FBXL13: variants seen among roughly 807,000 people sequenced by gnomAD.
The protein encoded by FBXL13 is F-box and leucine-rich repeat protein 13.
Under a neutral mutation model 83.6 loss-of-function variants are expected in FBXL13, and 67 were observed. The observed-to-expected ratio is 0.80, with a 90% CI of 0.66 to 0.98. FBXL13 has a LOEUF of 0.98. Among genes scored for constraint, FBXL13 ranks in the 50% least tolerant of loss-of-function variants. The pLI, the probability that FBXL13 is intolerant of heterozygous loss-of-function variation, is 0.00. For missense variants in FBXL13, 822 were observed against 866.5 expected (o/e 0.95, Z 0.64); for synonymous variants, 272 against 299.5 (o/e 0.91, Z 0.95).
chr7:102,968,523 G>A lies in FBXL13; in HGVS notation c.496-406C>T, dbSNP rs75183361. Among the ~76,000 whole-genome samples, 1,957 of 152,164 alleles carry A rather than the reference G, an allele frequency of 0.013. 92 individuals are homozygous for A. In the East Asian group the frequency reaches 0.16, roughly 12 times the overall value. On this transcript the variant is annotated intron_variant, in intron 6 of 19. Transcript: ENST00000313221. ...TGAACTAAACTACATTCCTTCTAAA[G>A]ATATAGGATTCCTCAGAGAAGAAAA...
chr7:103,025,792 G>A (rs1448478364), intron 5 of FBXL13, among the ~76,000 whole-genome samples: 1 of 151,924 alleles, frequency 6.6e-6, no homozygotes, highest in Non-Finnish European at 1.5e-5. Context: ...GTATGTATGT[G>A]TCTGTGTATA....
intron 17 of FBXL13, chr7:102,834,548 C>G (rs1208482901): frequency 6.6e-6 from 1 of 150,956 alleles, no homozygotes; most frequent in East Asian, 1.9e-4. Context: ...AGTTGAGAGG[C>G]AGTATGCACA....
rs144163542 is a variant in FBXL13, at chr7:102,958,529, T to TATAATA, written c.724+4998_724+5003dup. Among the ~76,000 whole-genome samples the TATAATA allele has an allele frequency of 5.5e-3, 789 of 144,514 alleles. 3 individuals are homozygous for TATAATA. Among genetic ancestry groups the TATAATA allele is most frequent in the African/African-American group, 0.017 (651 of 39,100 alleles). The allele number at this position is 144,514 out of a possible 152,430, so 94.8% of individuals were successfully genotyped here. ...TGCACATGTACCCTAGAACTTAAAG[T>TATAATA]ATAATAATAATAATAATAATAATAA... On this transcript the variant is annotated intron_variant, in intron 8 of 19. Transcript: ENST00000313221.
At chr7:102,835,570 G>C (rs995678076) in intron 17 of FBXL13, among the ~76,000 whole-genome samples, 4 of 144,962 alleles carry the variant, frequency 2.8e-5, no homozygotes. Context: ...AATAATACAA[G>C]AATTTTTATG....
intron 7 of FBXL13, among the ~76,000 whole-genome samples, chr7:102,965,133 A>G (rs1251460513): frequency 2.0e-5 from 3 of 152,212 alleles, no homozygotes; most frequent in Non-Finnish European, 4.4e-5. Context: ...AAGTTATATC[A>G]TTGTAAAAGA....
intron 18 of FBXL13, among the ~76,000 whole-genome samples, chr7:102,829,477 T>G (rs960274284): frequency 6.6e-6 from 1 of 152,162 alleles, no homozygotes; most frequent in Non-Finnish European, 1.5e-5. Flanking sequence ...GGGCTTTGCT[T>G]TAATTTTTCT....
intron 17 of FBXL13, among the ~76,000 whole-genome samples, chr7:102,838,448 T>TA (rs530232541): frequency 7.1e-4 from 107 of 150,782 alleles, no homozygotes; most frequent in Non-Finnish European, 1.2e-3. Flanking sequence ...AACACCATAG[T>TA]AAAAAAAAAA....
intron 11 of FBXL13, among the ~76,000 whole-genome samples, chr7:102,909,566 A>T (rs1814316088): frequency 1.3e-5 from 2 of 150,938 alleles, no homozygotes. Context: ...TATTGCTGCT[A>T]GTTATTCAGG....
intron 6 of FBXL13, among the ~76,000 whole-genome samples, chr7:103,009,920 T>C (rs1188531823): frequency 6.6e-6 from 1 of 152,134 alleles, no homozygotes; most frequent in Non-Finnish European, 1.5e-5. Context: ...AGTAGACACC[T>C]GCCCCCACCA....
chr7:102,846,174 C>T (rs1440903631), intron 17 of FBXL13, among the ~76,000 whole-genome samples: 2 of 152,078 alleles, frequency 1.3e-5, no homozygotes, highest in Non-Finnish European at 2.9e-5. Context: ...TCTGCCTAAC[C>T]CACTAAACCT....
At chr7:102,956,217 G>C (rs1222033724) in intron 8 of FBXL13, among the ~76,000 whole-genome samples, 1 of 152,146 alleles carries the variant, frequency 6.6e-6, no homozygotes, top group African/African-American at 2.4e-5. Flanking sequence ...TGGAATGCAA[G>C]GCTGGTTCAA....
At chr7:103,023,486 G>T (rs1441197219) in intron 6 of FBXL13, among the ~76,000 whole-genome samples, 1 of 152,118 alleles carries the variant, frequency 6.6e-6, no homozygotes, top group Non-Finnish European at 1.5e-5. Flanking sequence ...ATACTGGCAA[G>T]GTTACAGAGA....
intron 8 of FBXL13, among the ~76,000 whole-genome samples, chr7:102,949,102 C>A (rs1367855461): frequency 6.6e-6 from 1 of 152,104 alleles, no homozygotes; most frequent in Non-Finnish European, 1.5e-5. Flanking sequence ...AGCCAAACAG[C>A]CCAAAAGAGT....
chr7:103,057,587 T>C (rs1036933593), intron 1 of FBXL13, among the ~76,000 whole-genome samples: 1 of 152,232 alleles, frequency 6.6e-6, no homozygotes, highest in African/African-American at 2.4e-5. Flanking sequence ...ACCGAGTATA[T>C]ACATTTGAAA....
At chr7:103,012,714 T>C (rs780184458) in intron 6 of FBXL13, among the ~76,000 whole-genome samples, 12 of 152,034 alleles carry the variant, frequency 7.9e-5, no homozygotes, top group African/African-American at 1.9e-4. Context: ...ACTAAGTACA[T>C]AGACAAGTGA....
intron 8 of FBXL13, among the ~76,000 whole-genome samples, chr7:102,949,079 G>A (rs984493060): frequency 4.7e-4 from 71 of 152,222 alleles, no homozygotes; most frequent in African/African-American, 1.6e-3. Flanking sequence ...GATTACAACT[G>A]TTGTGTTCAA....
intron 11 of FBXL13, among the ~76,000 whole-genome samples, chr7:102,905,972 G>A (rs1813688362): frequency 6.6e-6 from 1 of 152,162 alleles, no homozygotes; most frequent in Non-Finnish European, 1.5e-5. Flanking sequence ...GGAAGAAAAA[G>A]AGGTTTAATT....
chr7:102,995,665 T>C (rs12154379), intron 6 of FBXL13, among the ~76,000 whole-genome samples: 22,525 of 151,214 alleles, frequency 0.15, 1,902 homozygotes, highest in African/African-American at 0.23. Context: ...TGTGCACCTG[T>C]AGTTCCAGCT....
intron 6 of FBXL13, among the ~76,000 whole-genome samples, chr7:103,011,259 C>T (rs1013655341): frequency 1.3e-5 from 2 of 152,030 alleles, no homozygotes; most frequent in East Asian, 1.9e-4. Flanking sequence ...ATCAATATAC[C>T]GGAGATAGTT....
Sources: gnomAD v4.1 joint callset for allele counts (sites outside exome capture counted in the v4.1 genomes callset) on GRCh38, gnomAD v4.1.1 for gene constraint, MANE v1.5 for transcripts, NCBI Gene and HGNC (gene_info 2026-07-23, HGNC 2026-07-21) for gene names.